The following TSPAN18 variants were observed in gnomAD, a reference collection of about 807,000 sequenced individuals.
The protein encoded by TSPAN18 is tetraspanin 18.
TSPAN18 carries 14 observed loss-of-function variants against 27.3 expected under a neutral mutation model. The observed-to-expected ratio is 0.51, with a 90% CI of 0.34 to 0.80. The LOEUF (loss-of-function observed/expected upper bound fraction) is 0.80. Ranked by LOEUF, TSPAN18 falls within the 30% of genes least tolerant of loss-of-function variation. TSPAN18 has a pLI of 0.01. For synonymous variants in TSPAN18, 143 were observed against 136.5 expected (o/e 1.05, Z -0.33); for missense variants, 268 against 323.9 (o/e 0.83, Z 1.32).
intron 1 of TSPAN18, among the ~76,000 whole-genome samples, chr11:44,759,384 G>C (rs963254039): frequency 2.6e-5 from 4 of 152,186 alleles, no homozygotes; most frequent in African/African-American, 4.8e-5. Flanking sequence ...CAGACCTACT[G>C]ACTCTGGAAG....
At chr11:44,831,195 C>A (rs1357567916) in intron 2 of TSPAN18, among the ~76,000 whole-genome samples, 1 of 152,158 alleles carries the variant, frequency 6.6e-6, no homozygotes, top group Non-Finnish European at 1.5e-5. Flanking sequence ...GAGGTAAGAT[C>A]CACTTTCTTC....
chr11:44,800,829 T>C (rs1231165589), intron 2 of TSPAN18, among the ~76,000 whole-genome samples: 1 of 152,102 alleles, frequency 6.6e-6, no homozygotes, highest in Non-Finnish European at 1.5e-5. Flanking sequence ...AAAGCTTCCT[T>C]CCACAGAGGC....
chr11:44,867,748 G>A (rs1858079876), intron 3 of TSPAN18, among the ~76,000 whole-genome samples: 1 of 152,142 alleles, frequency 6.6e-6, no homozygotes, highest in Admixed American at 6.5e-5. Context: ...TGTGAGTTGA[G>A]AGAGAGTAGA....
intron 1 of TSPAN18, among the ~76,000 whole-genome samples, chr11:44,738,643 C>A (rs932986226): frequency 1.3e-5 from 2 of 152,166 alleles, no homozygotes; most frequent in Non-Finnish European, 2.9e-5. Context: ...CCTCGCACAG[C>A]CTTTCCCTGG....
chr11:44,919,081 G>A, intron 6 of TSPAN18, 133 bp from the exon 7 acceptor site: 1 of 707,544 alleles, frequency 1.4e-6, no homozygotes, highest in Non-Finnish European at 2.5e-6. Flanking sequence ...GAATCCCAGG[G>A]GACCTGGCAC....
intron 3 of TSPAN18, among the ~76,000 whole-genome samples, chr11:44,891,689 G>A (rs779507984): frequency 5.3e-5 from 8 of 152,146 alleles, no homozygotes; most frequent in Non-Finnish European, 1.2e-4. Context: ...GTGTGTATAG[G>A]GGGTTCCTGA....
At chr11:44,850,421 A>G (rs1554991607) in intron 2 of TSPAN18, among the ~76,000 whole-genome samples, 1 of 152,130 alleles carries the variant, frequency 6.6e-6, no homozygotes, top group Non-Finnish European at 1.5e-5. Context: ...GCATGATCCC[A>G]GTGAGGACAA....
At chr11:44,831,872 GAT>G (rs2135145183) in intron 2 of TSPAN18, among the ~76,000 whole-genome samples, 1 of 152,244 alleles carries the variant, frequency 6.6e-6, no homozygotes, top group East Asian at 1.9e-4. Context: ...TGGAGGAGGG[GAT>G]ATTTGAGCAG....
Position 44,749,700 on chromosome 11 carries a change from G to A in TSPAN18, c.-239-14726G>A, listed in dbSNP as rs191365984. The stretch of plus-strand genomic sequence containing the variant: ...TGCCCAGGCTGGAGTGCAGTGGCGC[G>A]ATCTCGGCTCACTGCAAACTCTGCC... On this transcript the variant is annotated intron_variant, in intron 1 of 9. Coordinates refer to ENST00000520358, the MANE Select transcript of TSPAN18 (RefSeq NM_130783.5). Among the ~76,000 whole-genome samples, 428 of 147,248 alleles carry A rather than the reference G, an allele frequency of 2.9e-3. 1 individual carries two copies. The highest frequency in any genetic ancestry group is 0.01 in the African/African-American group (409 of 39,096).
At chr11:44,912,336 C>T (rs1241481936) in intron 5 of TSPAN18, among the ~76,000 whole-genome samples, 1 of 151,924 alleles carries the variant, frequency 6.6e-6, no homozygotes, top group Non-Finnish European at 1.5e-5. Context: ...TTCTCTTGAT[C>T]TCTGTTTTTA....
At chr11:44,855,444 G>C (rs886836432) in intron 2 of TSPAN18, among the ~76,000 whole-genome samples, 1 of 152,158 alleles carries the variant, frequency 6.6e-6, no homozygotes, top group African/African-American at 2.4e-5. Context: ...TAAAAAGCAA[G>C]CATTCGACAA....
intron 2 of TSPAN18, among the ~76,000 whole-genome samples, chr11:44,805,503 G>C (rs1856573030): frequency 6.6e-6 from 1 of 152,178 alleles, no homozygotes; most frequent in Admixed American, 6.5e-5. Context: ...CTCAAGATGA[G>C]ATTGGGGCCC....
chr11:44,823,156 G>A (rs1441816613), intron 2 of TSPAN18, among the ~76,000 whole-genome samples: 2 of 152,218 alleles, frequency 1.3e-5, no homozygotes, highest in South Asian at 2.1e-4. Flanking sequence ...GGCCGGCAAC[G>A]CCCCCCCACT....
In TSPAN18 at chr11:44,797,572, G is replaced by A. The variant is rs79643774; in HGVS notation, c.-153+33060G>A. ...GCCAAGTCCTGCCATTAATGAAAAT[G>A]GGGACGGGAGCAAACACACCTACAG... On this transcript the variant is annotated intron_variant, in intron 2 of 9. Coordinates refer to ENST00000520358, the MANE Select transcript of TSPAN18 (RefSeq NM_130783.5). Among the ~76,000 whole-genome samples, 1,105 of 152,344 alleles carry A rather than the reference G, an allele frequency of 7.3e-3. 11 individuals carry two copies. The highest frequency in any genetic ancestry group is 0.025 in the African/African-American group (1,054 of 41,574).
chr11:44,793,342 C>T (rs1234399292), intron 2 of TSPAN18, among the ~76,000 whole-genome samples: 1 of 152,188 alleles, frequency 6.6e-6, no homozygotes, highest in East Asian at 1.9e-4. Context: ...CAAGGGCCAC[C>T]TGCTGAAGAA....
chr11:44,731,655 A>AG (rs34031795), intron 1 of TSPAN18, among the ~76,000 whole-genome samples: 1 of 150,222 alleles, frequency 6.7e-6, no homozygotes, highest in East Asian at 2.0e-4. Context: ...AGAGAGAGAG[A>AG]AAATCTGTCT....
At chr11:44,781,891 C>T (rs769591708) in intron 2 of TSPAN18, among the ~76,000 whole-genome samples, 4 of 152,170 alleles carry the variant, frequency 2.6e-5, no homozygotes, top group Non-Finnish European at 4.4e-5. Flanking sequence ...CTTTCTATCA[C>T]TATAGATTAG....
At chr11:44,737,263 G>A (rs939800546) in intron 1 of TSPAN18, among the ~76,000 whole-genome samples, 1 of 152,208 alleles carries the variant, frequency 6.6e-6, no homozygotes, top group Non-Finnish European at 1.5e-5. Flanking sequence ...CCACCTCATG[G>A]ACCCAAAGGA....
rs11825179 is a variant in TSPAN18 at position 44,800,745 on chromosome 11, C to T, written c.-153+36233C>T. The stretch of plus-strand genomic sequence containing the variant: ...TCGTAGTCTCTTCCTGAGAAGGGGC[C>T]TTCCTAGGATTGGGGACAGGTGGGG... On this transcript the variant is annotated intron_variant, in intron 2 of 9. Coordinates refer to ENST00000520358, the MANE Select transcript of TSPAN18 (RefSeq NM_130783.5). Among the ~76,000 whole-genome samples, 1,240 of 152,270 alleles carry T rather than the reference C, an allele frequency of 8.1e-3. 17 individuals are homozygous for T. The highest frequency in any genetic ancestry group is 0.028 in the African/African-American group (1,175 of 41,562).
Sources: gnomAD v4.1 joint callset for allele counts (sites outside exome capture counted in the v4.1 genomes callset) on GRCh38, gnomAD v4.1.1 for gene constraint, MANE v1.5 for transcripts, NCBI Gene and HGNC (gene_info 2026-07-23, HGNC 2026-07-21) for gene names.